Variants in ARAP1 observed in about 807,000 individuals in gnomAD.
ARAP1 encodes arf-GAP with Rho-GAP domain, ANK repeat and PH domain-containing protein 1.
Under a neutral mutation model 172.2 loss-of-function variants are expected in ARAP1, and 76 were observed. That is an observed-to-expected ratio of 0.44 (90% CI 0.37 to 0.53). ARAP1 has a LOEUF of 0.53. Among genes scored for constraint, ARAP1 ranks in the 20% least tolerant of loss-of-function variants. The pLI is 0.00. For missense variants in ARAP1, 1,686 were observed against 1,977.5 expected (o/e 0.85, Z 2.80); for synonymous variants, 804 against 803.3 (o/e 1.00, Z -0.01).
chr11:72,704,004 G>T, intron 14 of ARAP1, 148 bp downstream of exon 14: 1 of 1,097,528 alleles, frequency 9.1e-7, no homozygotes, highest in Non-Finnish European at 1.3e-6. Context: ...GCTTAGGCAG[G>T]GCCCTTCTGC....
Position 72,703,000 on chromosome 11 carries a change from A to T in ARAP1, c.2072T>A (p.Phe691Tyr). ...CGTGGGGGCCTCAGGGTCCCCCGAG[A>T]AGCAGTTGATCCCAGCCCCACAGCC... ...LLGCGAGINC[F>Y]SGDPEAPTPL... Residue 691 changes from phenylalanine to tyrosine, a missense_variant, in exon 15 of 35, where the codon TTC becomes TAC. This residue lies in a region of ARAP1 where 688 missense variants were observed against 856.9 expected (regional missense o/e 0.80). Transcript: ENST00000393609. The T allele has an allele frequency of 6.3e-7, 1 of 1,579,856 alleles. No individual in the cohort carries two copies. Among genetic ancestry groups the T allele is most frequent in the East Asian group, 2.3e-5 (1 of 43,278 alleles).
chr11:72,703,480 C>T (rs1380221606), intron 14 of ARAP1: 2 of 172,102 alleles, frequency 1.2e-5, no homozygotes, highest in Admixed American at 5.6e-5. Flanking sequence ...GCCCTCCCAA[C>T]CAATGGGAGT....
rs1425867071 is a variant in ARAP1 at position 72,705,885 on chromosome 11, G to T, written c.1729C>A (p.His577Asn). The T allele has an allele frequency of 6.2e-7, 1 of 1,614,000 alleles. No homozygotes were observed. The highest frequency in any genetic ancestry group is 8.5e-7 in the Non-Finnish European group (1 of 1,179,934). ...GAGACGCCAGCGCCCAGGCCACGGTGCTCCCCTGTAGACACAGGGCCAGAC... is the reference window on the plus strand; with the variant it reads ...GAGACGCCAGCGCCCAGGCCACGGTTCTCCCCTGTAGACACAGGGCCAGAC... The part of the protein sequence containing the change: ...VVICKRCAGE[H>N]RGLGAGVSKV... The change falls in exon 13 of 35, where the codon CAC (histidine) becomes AAC (asparagine). Residue 577 changes from histidine (H) to asparagine (N), a missense_variant. Physicochemically the swap from His to Asn is moderately conservative, Grantham distance 68. Coordinates refer to ENST00000393609, the MANE Select transcript of ARAP1 (RefSeq NM_001040118.3).
rs1857674445 is a variant in ARAP1 at position 72,725,935 on chromosome 11, A to G, written c.509+685T>C. Among the ~76,000 whole-genome samples the G allele has an allele frequency of 6.6e-6, 1 of 152,082 alleles. No individual in the cohort carries two copies. Among genetic ancestry groups the G allele is most frequent in the Non-Finnish European group, 1.5e-5 (1 of 68,000 alleles). Reference sequence around the variant, plus strand: ...CTACCCTGTCTGGGGATGCTCCCTGACAGCCGGGCATCCCAGCAGATGGCA... The same window carrying G: ...CTACCCTGTCTGGGGATGCTCCCTGGCAGCCGGGCATCCCAGCAGATGGCA... On this transcript the variant is annotated intron_variant, in intron 3 of 34. Coordinates refer to ENST00000393609, the MANE Select transcript of ARAP1 (RefSeq NM_001040118.3). This position sits in a 1 kb window ranked among gnomAD's most constrained non-coding sequence, Gnocchi z 4.3.
intron 3 of ARAP1, chr11:72,722,438 C>T: frequency 1.2e-6 from 1 of 819,788 alleles, no homozygotes; most frequent in Non-Finnish European, 1.5e-6. Flanking sequence ...AGACAACCAA[C>T]AGTGTCCACT....
chr11:72,722,105 G>C, intron 3 of ARAP1: 2 of 985,444 alleles, frequency 2.0e-6, no homozygotes, highest in African/African-American at 3.5e-5. Context: ...ACGTGCGTGT[G>C]TGTTTGTTTC....
At chr11:72,692,911 T>G in intron 29 of ARAP1, 126 bp from the exon 30 acceptor site, 4 of 1,283,960 alleles carry the variant, frequency 3.1e-6, no homozygotes, top group Non-Finnish European at 4.4e-6. Context: ...GGGTGTCAAA[T>G]GGAGTCTGGG....
chr11:72,742,667 C>T (rs902022908), intron 1 of ARAP1, among the ~76,000 whole-genome samples: 1 of 152,206 alleles, frequency 6.6e-6, no homozygotes, highest in African/African-American at 2.4e-5. Context: ...ATGGAGCACA[C>T]TGTGACAGAC....
chr11:72,697,351 G>A lies in ARAP1; in HGVS notation c.2925C>T (p.Tyr975=). The change falls in exon 21 of 35, where the codon TAC becomes TAT. Residue 975 remains tyrosine, a synonymous_variant. Transcript: ENST00000393609. ...ACTGCGTGATGTAGTCCACACAGCG[G>A]TACACGATCACCGGGATATCCGAGT... ...LGDSDIPVIV[Y]RCVDYITQCG... The A allele has an allele frequency of 6.3e-7, 1 of 1,599,782 alleles. No homozygotes were observed. Among genetic ancestry groups the A allele is most frequent in the Non-Finnish European group, 8.5e-7 (1 of 1,173,478 alleles).
intron 34 of ARAP1, 125 bp from the exon 35 acceptor site, chr11:72,685,806 G>A: frequency 7.0e-7 from 1 of 1,424,588 alleles, no homozygotes; most frequent in Non-Finnish European, 9.8e-7. Context: ...CAATCAGCCA[G>A]GCTCCCAGCT....
At chr11:72,735,491 G>A (rs1001716301) in intron 1 of ARAP1, among the ~76,000 whole-genome samples, 3 of 152,080 alleles carry the variant, frequency 2.0e-5, no homozygotes, top group Non-Finnish European at 4.4e-5. Context: ...AGCTACTCGG[G>A]AGGCTGAGGC....
At chr11:72,696,708 A>C (rs1591180062) in intron 22 of ARAP1, 54 bp from the exon 23 acceptor site, 4 of 1,453,212 alleles carry the variant, frequency 2.8e-6, no homozygotes, top group East Asian at 2.4e-5. Flanking sequence ...TCTTCCCCCC[A>C]CCCCGCCTGG....
chr11:72,696,200 T>A (rs1244712202), intron 23 of ARAP1, among the ~76,000 whole-genome samples: 1 of 152,116 alleles, frequency 6.6e-6, no homozygotes, highest in Non-Finnish European at 1.5e-5. Context: ...TAGATTCTCA[T>A]AAGGAGCGCG....
At chr11:72,738,464 G>A (rs560816725) in intron 1 of ARAP1, among the ~76,000 whole-genome samples, 3 of 151,980 alleles carry the variant, frequency 2.0e-5, no homozygotes, top group Non-Finnish European at 4.4e-5. Flanking sequence ...GCTCCCCTCC[G>A]CACAGGCCTC....
chr11:72,700,938 C>T (rs1856455095), intron 16 of ARAP1, among the ~76,000 whole-genome samples: 3 of 152,146 alleles, frequency 2.0e-5, no homozygotes, highest in Admixed American at 6.5e-5. Flanking sequence ...GCAGAGGTTG[C>T]GGTGAGCCAA....
Position 72,745,182 on chromosome 11 carries a change from C to CTTT in ARAP1, c.-128+7143_-128+7145dup, listed in dbSNP as rs902550014. On this transcript the variant is annotated intron_variant, in intron 1 of 34. Transcript: ENST00000393609. ...CCCACACAGCAGCCCAAGTTTCTTT[C>CTTT]TTTTTTTTTTTTTTTTTTTTTTTTG... Among the ~76,000 whole-genome samples the CTTT allele has an allele frequency of 4.9e-3, 435 of 88,286 alleles. 1 individual carries two copies. Among genetic ancestry groups the CTTT allele is most frequent in the African/African-American group, 8.6e-3 (176 of 20,374 alleles). 57.9% of individuals were successfully genotyped at this position (88,286 alleles called of 152,430 possible).
intron 2 of ARAP1, among the ~76,000 whole-genome samples, chr11:72,731,895 G>A (rs1857878967): frequency 6.6e-6 from 1 of 152,126 alleles, no homozygotes; most frequent in South Asian, 2.1e-4. Context: ...GAGACCAGCA[G>A]ATTCTAAAGT....
rs747126540 is a variant in ARAP1, at chr11:72,696,607, C to T, written c.3214G>A (p.Val1072Met). The T allele has an allele frequency of 4.4e-6, 7 of 1,606,590 alleles. No individual in the cohort carries two copies. In the South Asian group the frequency reaches 5.5e-5, roughly 13 times the overall value. Residue 1072 changes from valine (V) to methionine (M), a missense_variant, in exon 23 of 35, where the codon GTG becomes ATG. Physicochemically the swap from Val to Met is conservative, Grantham distance 21 (BLOSUM62 1). Coordinates refer to ENST00000393609, the MANE Select transcript of ARAP1 (RefSeq NM_001040118.3). The part of the protein sequence containing the change: ...EKVSRYRELL[V>M]RLPPVNRATV... ...GCCCGGTTGACAGGGGGCAGCCGCA[C>T]CAGCAGCTCTCGGTACCTGGAGACC... is the stretch of plus-strand genomic sequence containing the variant.
rs764843635 is a variant in ARAP1 at position 72,710,983 on chromosome 11, C to T, written c.1213+38G>A. 2 of 1,612,992 alleles carry T rather than the reference C, an allele frequency of 1.2e-6. No individual in the cohort carries two copies. Among genetic ancestry groups the T allele is most frequent in the Middle Eastern group, 1.7e-4 (1 of 6,058 alleles). Reference sequence around the variant, plus strand: ...GCCCAAACTTCCAGTCTTCTCTACCCTCTTCTACACACACACACAACACCC... The same window carrying T: ...GCCCAAACTTCCAGTCTTCTCTACCTTCTTCTACACACACACACAACACCC... On this transcript the variant is annotated intron_variant, in intron 9 of 34. Coordinates refer to ENST00000393609, the MANE Select transcript of ARAP1 (RefSeq NM_001040118.3). The surrounding 1 kb of genome is among the most constrained non-coding windows in gnomAD (Gnocchi z 4.3).
Sources: allele counts gnomAD v4.1 joint callset (sites outside exome capture counted in the v4.1 genomes callset), GRCh38; gene constraint gnomAD v4.1.1; regional missense constraint gnomAD v4.1.1; non-coding constraint Gnocchi (gnomAD v3.1); transcripts MANE v1.5; gene names NCBI Gene and HGNC (gene_info 2026-07-23, HGNC 2026-07-21).